GPHN: variants seen among roughly 807,000 people sequenced by gnomAD.
GPHN encodes the protein gephyrin.
Under a neutral mutation model 95.5 loss-of-function variants are expected in GPHN, and 17 were observed. That is an observed-to-expected ratio of 0.18 (90% CI 0.12 to 0.27). GPHN has a LOEUF of 0.27. Among genes scored for constraint, GPHN ranks in the 10% least tolerant of loss-of-function variants. GPHN has a pLI of 1.00. For missense variants in GPHN, 660 were observed against 978.1 expected, an observed-to-expected ratio of 0.67 and a Z score of 4.34; for synonymous variants, 320 against 322.5, an observed-to-expected ratio of 0.99 and a Z score of 0.08.
chr14:66,652,070 A>G (rs2065069688), intron 1 of GPHN, among the ~76,000 whole-genome samples: 1 of 152,156 alleles, frequency 6.6e-6, no homozygotes, highest in South Asian at 2.1e-4. Flanking sequence ...GGAATGCTGA[A>G]AAATGAAATC....
chr14:67,417,242 C>T, the GPHN span, among the ~76,000 whole-genome samples: 1 of 152,168 alleles, frequency 6.6e-6, no homozygotes, highest in Non-Finnish European at 1.5e-5. Context: ...AGTTCCTCAT[C>T]TCTAATATGG....
chr14:67,259,883 A>G, the GPHN span, among the ~76,000 whole-genome samples: 13 of 149,420 alleles, frequency 8.7e-5, no homozygotes, highest in Non-Finnish European at 1.8e-4. Context: ...CATCTAAGAA[A>G]AAAAAAAAAA....
the GPHN span, among the ~76,000 whole-genome samples, chr14:67,566,863 C>G: frequency 9.9e-5 from 15 of 152,002 alleles, no homozygotes; most frequent in Non-Finnish European, 2.2e-4. Context: ...TTATTGTCTC[C>G]TCTTATTCTG....
chr14:67,013,238 G>GA (rs1297830865), intron 9 of GPHN, among the ~76,000 whole-genome samples: 7 of 151,894 alleles, frequency 4.6e-5, no homozygotes, highest in African/African-American at 1.7e-4. Context: ...ACTAATACTT[G>GA]AAATAATTTA....
the GPHN span, among the ~76,000 whole-genome samples, chr14:67,257,563 A>G: frequency 6.6e-6 from 1 of 152,138 alleles, no homozygotes; most frequent in Admixed American, 6.6e-5. Context: ...AGACAGCTAA[A>G]TATTCATCTT....
At chr14:66,923,079 C>T in intron 7 of GPHN, 141 bp downstream of exon 7, 1 of 727,978 alleles carries the variant, frequency 1.4e-6, no homozygotes, top group Non-Finnish European at 2.4e-6. Flanking sequence ...GTCCATGACA[C>T]TCCACTACTA....
At chr14:67,394,788 C>A in the GPHN span, among the ~76,000 whole-genome samples, 1 of 152,102 alleles carries the variant, frequency 6.6e-6, no homozygotes, top group Non-Finnish European at 1.5e-5. Context: ...GGGGGCTCTG[C>A]CCTTGTGAAT....
At chr14:66,974,044 G>A (rs1208784640) in intron 9 of GPHN, among the ~76,000 whole-genome samples, 1 of 152,080 alleles carries the variant, frequency 6.6e-6, no homozygotes, top group African/African-American at 2.4e-5. Context: ...GGACATTTAA[G>A]TAACTGATTT....
chr14:67,356,966 T>C, the GPHN span, among the ~76,000 whole-genome samples: 1 of 152,202 alleles, frequency 6.6e-6, no homozygotes, highest in Non-Finnish European at 1.5e-5. Context: ...AAAGGTAAAC[T>C]GGTTGATAAA....
the GPHN span, among the ~76,000 whole-genome samples, chr14:67,239,889 GAAGTA>G: frequency 2.7e-4 from 41 of 152,110 alleles, no homozygotes; most frequent in Admixed American, 2.7e-3. Flanking sequence ...CTTAGAAAAG[GAAGTA>G]AGTCACACAC....
chr14:67,224,450 T>C, the GPHN span, among the ~76,000 whole-genome samples: 1 of 151,744 alleles, frequency 6.6e-6, no homozygotes, highest in Non-Finnish European at 1.5e-5. Flanking sequence ...TTAGTAGAGA[T>C]GGGGTTTCAT....
At chr14:66,588,874 T>C (rs2061527229) in intron 1 of GPHN, among the ~76,000 whole-genome samples, 1 of 152,076 alleles carries the variant, frequency 6.6e-6, no homozygotes, top group Admixed American at 6.5e-5. Context: ...ATTCAGGGAA[T>C]ACAGAGAACA....
the GPHN span, among the ~76,000 whole-genome samples, chr14:67,264,814 T>A: frequency 1.3e-5 from 2 of 152,200 alleles, no homozygotes; most frequent in Non-Finnish European, 2.9e-5. Context: ...ATGTGTTATA[T>A]ATATGCTTTT....
At chr14:67,599,427 A>C in the GPHN span, among the ~76,000 whole-genome samples, 1 of 152,226 alleles carries the variant, frequency 6.6e-6, no homozygotes, top group Non-Finnish European at 1.5e-5. Context: ...CAGCTATCAC[A>C]CACGTCCAAA....
intron 1 of GPHN, among the ~76,000 whole-genome samples, chr14:66,645,667 G>A (rs779120803): frequency 1.3e-5 from 2 of 149,270 alleles, no homozygotes; most frequent in Non-Finnish European, 3.0e-5. Flanking sequence ...ACTCCAGCTT[G>A]GGCGACAGAG....
At chr14:67,690,904 C>G in the GPHN span, 1 of 521,770 alleles carries the variant, frequency 1.9e-6, no homozygotes, top group African/African-American at 1.9e-5. Context: ...ACCAATTAGT[C>G]TGTTAAAAAA....
At chr14:67,013,634 A>G (rs1434980241) in intron 9 of GPHN, among the ~76,000 whole-genome samples, 1 of 152,058 alleles carries the variant, frequency 6.6e-6, no homozygotes, top group Non-Finnish European at 1.5e-5. Context: ...AGTGCAGTAT[A>G]GACATATATT....
At chr14:67,044,742 TCC>T (rs2074906847) in intron 10 of GPHN, among the ~76,000 whole-genome samples, 2 of 77,556 alleles carry the variant, frequency 2.6e-5, no homozygotes, top group Non-Finnish European at 3.8e-5. Flanking sequence ...ACCCCCTTCC[TCC>T]TCCTCCTCCT....
At chr14:67,316,821 C>G in the GPHN span, 3 of 1,597,202 alleles carry the variant, frequency 1.9e-6, no homozygotes, top group African/African-American at 4.1e-5. Context: ...CTTTTTCTTT[C>G]TGCTATTAAG....
Sources: allele counts gnomAD v4.1 joint callset (sites outside exome capture counted in the v4.1 genomes callset), GRCh38; gene constraint gnomAD v4.1.1; transcripts MANE v1.5; gene names NCBI Gene and HGNC (gene_info 2026-07-23, HGNC 2026-07-21).